MROH2A: variants seen among roughly 807,000 people sequenced by gnomAD.
The protein encoded by MROH2A is maestro heat like repeat family member 2A.
In MROH2A, 174 loss-of-function variants were observed where a neutral mutation model predicts 200.4. The observed-to-expected ratio is 0.87, with a 90% CI of 0.77 to 0.98. The LOEUF (loss-of-function observed/expected upper bound fraction) is 0.98, where lower values mean the gene tolerates loss of function less well. Ranked by LOEUF, MROH2A falls within the 50% of genes least tolerant of loss-of-function variation. The pLI, the probability that MROH2A is intolerant of heterozygous loss-of-function variation, is 0.00. For missense variants in MROH2A, 2,045 were observed against 2,139.6 expected (o/e 0.96, Z 0.87); for synonymous variants, 829 against 840.4 (o/e 0.99, Z 0.23).
In MROH2A at chr2:233,807,536, C is replaced by T. The variant is rs1291431222; in HGVS notation, c.2166C>T (p.Asp722=). The T allele has an allele frequency of 1.3e-6, 2 of 1,550,422 alleles. No homozygotes were observed. Among genetic ancestry groups the T allele is most frequent in the Non-Finnish European group, 1.7e-6 (2 of 1,147,000 alleles). ...LYKTDYSNDF[D]SEGVIMCFGL... is the part of the protein sequence containing the mutation. Reference sequence around the variant, plus strand: ...AGACGGACTACAGCAATGACTTTGACAGCGAGGTGAGGGTGCCTGCAGCCT... The same window carrying T: ...AGACGGACTACAGCAATGACTTTGATAGCGAGGTGAGGGTGCCTGCAGCCT... The change falls in exon 20 of 42, where the codon GAC becomes GAT. Residue 722 remains aspartate, a synonymous_variant. Transcript: ENST00000389758. The surrounding 1 kb of genome is among the most constrained non-coding windows in gnomAD (Gnocchi z 4.3).
At position 233,811,975 on chromosome 2, in the gene MROH2A, A is replaced by AC. The variant is rs770985789; in HGVS notation, c.2651+19dup. Reference sequence around the variant, plus strand: ...CGCACCTGAGGTGAGCTGGGTTCCCACCCTCACCCCATCCCAAGGGGTAGG... The same window carrying AC: ...CGCACCTGAGGTGAGCTGGGTTCCCACCCCTCACCCCATCCCAAGGGGTAGG... On this transcript the variant is annotated intron_variant, in intron 24 of 41. Coordinates refer to ENST00000389758, the MANE Select transcript of MROH2A (RefSeq NM_001394639.1). 6.5e-7 allele frequency: 1 copy of AC among 1,528,168 alleles called. No individual in the cohort carries two copies. Among genetic ancestry groups the AC allele is most frequent in the South Asian group, 1.2e-5 (1 of 83,646 alleles). 94.7% of individuals were successfully genotyped at this position (1,528,168 alleles called of 1,614,324 possible).
At position 233,822,146 on chromosome 2, in the gene MROH2A, G is replaced by GAAC. The variant is rs1703982937; in HGVS notation, c.3535_3536insAAC (p.Ala1179delinsGluPro). 6.5e-7 allele frequency: 1 copy of GAAC among 1,549,854 alleles called. No homozygotes were observed. The highest frequency in any genetic ancestry group is 1.4e-5 in the African/African-American group (1 of 73,064). ...TAGCCACCTGGCAGAGGTGTGGCTG[G>GAAC]CAGTGTCGGAGAACGTGCCCTTCGC... On this transcript the variant is annotated protein_altering_variant, in exon 32 of 42. Transcript: ENST00000389758.
chr2:233,787,594 T>C (rs1470747217), intron 3 of MROH2A, among the ~76,000 whole-genome samples: 1 of 37,294 alleles, frequency 2.7e-5, no homozygotes, highest in East Asian at 5.8e-4. Flanking sequence ...TACATATATA[T>C]ATTATATATT....
In MROH2A at chr2:233,781,824, A is replaced by G. The variant is rs1190409655; in HGVS notation, c.276+1972A>G. Among the ~76,000 whole-genome samples the G allele has an allele frequency of 3.3e-5, 5 of 152,108 alleles. No individual in the cohort carries two copies. In the South Asian group the frequency reaches 6.2e-4, roughly 19 times the overall value. On this transcript the variant is annotated intron_variant, in intron 3 of 41. Coordinates refer to ENST00000389758, the MANE Select transcript of MROH2A (RefSeq NM_001394639.1). ...ACCAATTTCCTGGAGCATTTCCCCA[A>G]TGATTATTTTCTAGTAGTTTCATAG...
chr2:233,830,063 C>A (rs994616204), intron 38 of MROH2A, among the ~76,000 whole-genome samples: 1 of 152,118 alleles, frequency 6.6e-6, no homozygotes, highest in Non-Finnish European at 1.5e-5. Flanking sequence ...TGCCCAAACC[C>A]TTTCTTCTAG....
At position 233,807,781 on chromosome 2, in the gene MROH2A, G is replaced by C; in HGVS notation, c.2221G>C (p.Val741Leu). Residue 741 changes from valine (V) to leucine (L), a missense_variant, in exon 21 of 42, where the codon GTG becomes CTG. Coordinates refer to ENST00000389758, the MANE Select transcript of MROH2A (RefSeq NM_001394639.1). The surrounding 1 kb of genome is among the most constrained non-coding windows in gnomAD (Gnocchi z 4.3). ...GLCARGQVKT[V>L]LNVLHDFEER... The stretch of plus-strand genomic sequence containing the variant: ...GTGTGCCCGGGGCCAGGTAAAAACG[G>C]TGCTGAATGTGCTTCATGACTTCGA... The C allele has an allele frequency of 6.4e-7, 1 of 1,550,808 alleles. No individual in the cohort carries two copies. Among genetic ancestry groups the C allele is most frequent in the Non-Finnish European group, 8.7e-7 (1 of 1,147,044 alleles).
At chr2:233,806,784 TTTTA>T (rs1702818536) in intron 19 of MROH2A, among the ~76,000 whole-genome samples, 2 of 152,096 alleles carry the variant, frequency 1.3e-5, no homozygotes, top group South Asian at 2.1e-4. Context: ...TGAACACTTA[TTTTA>T]TTTATTTTTT....
chr2:233,795,470 G>T, intron 8 of MROH2A, 183 bp from the exon 9 acceptor site: 2 of 940,800 alleles, frequency 2.1e-6, no homozygotes, highest in Admixed American at 2.4e-5. Flanking sequence ...CAACCTGGGG[G>T]CTGGGTGAAA....
At chr2:233,823,256 CA>C (rs1704073217) in intron 34 of MROH2A, among the ~76,000 whole-genome samples, 1 of 152,218 alleles carries the variant, frequency 6.6e-6, no homozygotes, top group South Asian at 2.1e-4. Context: ...GGCTCGCCCC[CA>C]GGGCCACACA....
chr2:233,823,108 T>C, intron 34 of MROH2A, 90 bp downstream of exon 34: 1 of 1,408,434 alleles, frequency 7.1e-7, no homozygotes, highest in Non-Finnish European at 9.7e-7. Flanking sequence ...CATGGTCCAG[T>C]CATGGCTGAA....
At chr2:233,817,939 T>A in intron 27 of MROH2A, 63 bp from the exon 28 acceptor site, 1 of 1,543,666 alleles carries the variant, frequency 6.5e-7, no homozygotes, top group Non-Finnish European at 8.7e-7. Context: ...ACACTGCCCC[T>A]GGGCAGCCCC....
At position 233,820,023 on chromosome 2, in the gene MROH2A, C is replaced by T; in HGVS notation, c.3479C>T (p.Thr1160Ile). 4.5e-6 allele frequency: 7 copies of T among 1,543,150 alleles called. No homozygotes were observed. The highest frequency in any genetic ancestry group is 6.1e-6 in the Non-Finnish European group (7 of 1,141,936). Reference sequence around the variant, plus strand: ...CACCACCACCAGGAGACCATCCTCACATCGCTCCTGAGGCAGCCACTGCCC... The same window carrying T: ...CACCACCACCAGGAGACCATCCTCATATCGCTCCTGAGGCAGCCACTGCCC... Reference protein sequence around the residue: ...LAHHHQETILTSLLRQPLPME... With the variant: ...LAHHHQETILISLLRQPLPME... The change falls in exon 31 of 42, where the codon ACA becomes ATA. Residue 1160 changes from threonine to isoleucine, a missense_variant. Physicochemically the swap from Thr to Ile is moderately conservative, Grantham distance 89 (BLOSUM62 -1). Transcript: ENST00000389758. The surrounding 1 kb of genome is among the most constrained non-coding windows in gnomAD (Gnocchi z 4.1).
chr2:233,831,342 A>T, intron 38 of MROH2A, 67 bp from the exon 39 acceptor site: 1 of 1,467,524 alleles, frequency 6.8e-7, no homozygotes, highest in Non-Finnish European at 9.0e-7. Flanking sequence ...GCTTCCTGCC[A>T]GCCTCACCCC....
intron 38 of MROH2A, 108 bp from the exon 39 acceptor site, chr2:233,831,301 C>G (rs1704730995): frequency 7.3e-7 from 1 of 1,370,984 alleles, no homozygotes; most frequent in Non-Finnish European, 9.6e-7. Context: ...CTTTCTTTGG[C>G]TTGGTGAGGC....
At chr2:233,827,373 A>G (rs887060483) in intron 35 of MROH2A, among the ~76,000 whole-genome samples, 2 of 152,260 alleles carry the variant, frequency 1.3e-5, no homozygotes, top group African/African-American at 4.8e-5. Context: ...CATATACACC[A>G]TGGAATACTA....
At position 233,805,147 on chromosome 2, in the gene MROH2A, G is replaced by T. The variant is rs995487050; in HGVS notation, c.2052+36G>T. The T allele has an allele frequency of 4.7e-5, 66 of 1,414,808 alleles. No homozygotes were observed. In the African/African-American group the frequency reaches 8.0e-4, roughly 17 times the overall value. The allele number at this position is 1,414,808 out of a possible 1,614,324, so 87.6% of individuals were successfully genotyped here. ...ATAGGGACAGGAGAGTTTGGACAAG[G>T]AGTAGACTCCAGGGGTGAGGGAGTG... is the stretch of plus-strand genomic sequence containing the variant. On this transcript the variant is annotated intron_variant, in intron 19 of 41. Transcript: ENST00000389758.
At chr2:233,798,218 A>G (rs1233543512) in intron 11 of MROH2A, among the ~76,000 whole-genome samples, 2 of 152,150 alleles carry the variant, frequency 1.3e-5, no homozygotes, top group African/African-American at 4.8e-5. Context: ...CAGTTGTACA[A>G]CTAGCAAACA....
At chr2:233,823,253 C>T (rs954283684) in intron 34 of MROH2A, among the ~76,000 whole-genome samples, 2 of 152,230 alleles carry the variant, frequency 1.3e-5, no homozygotes, top group Non-Finnish European at 2.9e-5. Context: ...AGGGGCTCGC[C>T]CCCAGGGCCA....
At chr2:233,822,773 G>A (rs1704032980) in intron 33 of MROH2A, 108 bp from the exon 34 acceptor site, 2 of 1,388,866 alleles carry the variant, frequency 1.4e-6, no homozygotes, top group Non-Finnish European at 2.0e-6. Context: ...TCAGTCCCTT[G>A]GGCTGGGCCC....
Sources: allele counts gnomAD v4.1 joint callset (sites outside exome capture counted in the v4.1 genomes callset), GRCh38; gene constraint gnomAD v4.1.1; non-coding constraint Gnocchi (gnomAD v3.1); transcripts MANE v1.5; gene names NCBI Gene and HGNC (gene_info 2026-07-23, HGNC 2026-07-21).